MDM2: variants seen among roughly 807,000 people sequenced by gnomAD.
The protein encoded by MDM2 is MDM2 proto-oncogene, also known as E3 ubiquitin-protein ligase Mdm2.
MDM2 carries 11 observed loss-of-function variants against 64.3 expected under a neutral mutation model. The observed-to-expected ratio is 0.17, with a 90% CI of 0.11 to 0.28. The LOEUF is 0.28. Among genes scored for constraint, MDM2 ranks in the 10% least tolerant of loss-of-function variants. The pLI, the probability that MDM2 is intolerant of heterozygous loss-of-function variation, is 1.00. For missense variants in MDM2, 388 were observed against 577.1 expected (o/e 0.67, Z 3.36); for synonymous variants, 194 against 192.9 (o/e 1.01, Z -0.05).
chr12:68,850,495 T>A (rs1025330489), downstream of MDM2: 5 of 152,180 alleles, frequency 3.3e-5, no homozygotes, highest in African/African-American at 7.2e-5. Flanking sequence ...TTTAAACTAT[T>A]ATTTGTTTAG....
Position 68,818,054 on chromosome 12 carries a change from A to C in MDM2, c.308+1109A>C, listed in dbSNP as rs3730535. ...GGTAATCCACCTGCCATGGCCTCCC[A>C]AAGTGCTGGGATTACAGATGTGAGC... On this transcript the variant is annotated intron_variant, in intron 4 of 10. Transcript: ENST00000258149. Among the ~76,000 whole-genome samples the C allele has an allele frequency of 3.6e-3, 551 of 152,234 alleles. 14 individuals are homozygous for C. The highest frequency in any genetic ancestry group is 0.03 in the Admixed American group (455 of 15,276).
intron 6 of MDM2, 42 bp from the exon 7 acceptor site, chr12:68,824,513 A>T: frequency 6.3e-7 from 1 of 1,591,496 alleles, no homozygotes; most frequent in Non-Finnish European, 8.6e-7. Context: ...CTTACTGGTT[A>T]TGTTAAGTTT....
intron 9 of MDM2, 186 bp from the exon 10 acceptor site, chr12:68,836,486 A>G: frequency 2.1e-6 from 1 of 487,414 alleles, no homozygotes; most frequent in Non-Finnish European, 3.7e-6. Flanking sequence ...GACTTTTACC[A>G]TTGTGGGTAA....
rs35815088 is a variant in MDM2 at position 68,833,126 on chromosome 12, CAA to C, written c.685-2680_685-2679del. Among the ~76,000 whole-genome samples the C allele has an allele frequency of 7.8e-3, 478 of 61,500 alleles. 1 individual carries two copies. The highest frequency in any genetic ancestry group is 0.013 in the East Asian group (27 of 2,006). The allele number at this position is 61,500 out of a possible 152,430, so 40.3% of individuals were successfully genotyped here. On this transcript the variant is annotated intron_variant, in intron 8 of 10. Transcript: ENST00000258149. The stretch of plus-strand genomic sequence containing the variant: ...GGGTGACAGAGCGAGACTCTGTCTC[CAA>C]AAAAAAAAAAAAAAAAAAAAAATAT...
Position 68,839,664 on chromosome 12 carries a change from C to T in MDM2, c.1309C>T (p.Pro437Ser), listed in dbSNP as rs761259297. ...DKEESVESSL[P>S]LNAIEPCVIC... ...AGAAGAGAGTGTGGAATCTAGTTTG[C>T]CCCTTAATGCCATTGAACCTTGTGT... Residue 437 changes from proline (P) to serine (S), a missense_variant, in exon 11 of 11, where the codon CCC (proline) becomes TCC (serine). Transcript: ENST00000258149. The T allele has an allele frequency of 2.5e-6, 4 of 1,613,346 alleles. No individual in the cohort carries two copies. The highest frequency in any genetic ancestry group is 2.2e-5 in the East Asian group (1 of 44,874).
At position 68,813,724 on chromosome 12, in the gene MDM2, G is replaced by C. The variant is rs1470013631; in HGVS notation, c.174+96G>C. On this transcript the variant is annotated intron_variant, in intron 3 of 10. Coordinates refer to ENST00000258149, the MANE Select transcript of MDM2 (RefSeq NM_002392.6). ...TGTGGAGAAATTGGCCATATAGAAGGATTTTTCATTAAGCAGCAACATTTA... is the reference window on the plus strand; with the variant it reads ...TGTGGAGAAATTGGCCATATAGAAGCATTTTTCATTAAGCAGCAACATTTA... The C allele has an allele frequency of 1.5e-5, 12 of 800,908 alleles. No homozygotes were observed. The East Asian group carries it at 1.6e-4, about 11-fold the overall frequency. The allele number at this position is 800,908 out of a possible 1,614,324, so 49.6% of individuals were successfully genotyped here.
At chr12:68,846,414 A>C (rs1030197619), downstream of MDM2, 1 of 152,006 alleles carries the variant, frequency 6.6e-6, no homozygotes, top group African/African-American at 2.4e-5. Flanking sequence ...AATTTATTCC[A>C]TTTATTTTGT....
intron 10 of MDM2, among the ~76,000 whole-genome samples, chr12:68,838,646 A>G (rs1226583605): frequency 6.6e-6 from 1 of 152,144 alleles, no homozygotes; most frequent in Non-Finnish European, 1.5e-5. Flanking sequence ...ATCTAGATTG[A>G]TGGGATGGAC....
intron 8 of MDM2, among the ~76,000 whole-genome samples, chr12:68,832,724 G>A (rs1338319821): frequency 6.7e-6 from 1 of 150,082 alleles, no homozygotes; most frequent in African/African-American, 2.5e-5. Flanking sequence ...TTGGCCTGTT[G>A]CCCAGGCTGG....
At chr12:68,812,434 A>G (rs996507403) in intron 2 of MDM2, among the ~76,000 whole-genome samples, 1 of 152,236 alleles carries the variant, frequency 6.6e-6, no homozygotes, top group Non-Finnish European at 1.5e-5. Context: ...CAAGCTGTAA[A>G]GATACTTGAG....
downstream of MDM2, chr12:68,845,950 C>T (rs1884263189): frequency 6.6e-6 from 1 of 150,942 alleles, no homozygotes; most frequent in African/African-American, 2.4e-5. Context: ...CCACCTCCCC[C>T]GACCCCGCTG....
At chr12:68,815,893 C>T (rs1333912045) in intron 3 of MDM2, among the ~76,000 whole-genome samples, 4 of 152,048 alleles carry the variant, frequency 2.6e-5, no homozygotes, top group African/African-American at 9.7e-5. Flanking sequence ...AAATGTATTG[C>T]CAACTTCTTG....
At chr12:68,836,116 C>A in intron 9 of MDM2, 132 bp downstream of exon 9, 1 of 764,816 alleles carries the variant, frequency 1.3e-6, no homozygotes, top group Non-Finnish European at 2.0e-6. Flanking sequence ...TTTAAACTAA[C>A]ACATTGGTTT....
At chr12:68,815,279 C>T (rs917158484) in intron 3 of MDM2, among the ~76,000 whole-genome samples, 132 of 152,090 alleles carry the variant, frequency 8.7e-4, no homozygotes, top group African/African-American at 3.2e-3. Flanking sequence ...AATGCTTATG[C>T]TAAACTATGT....
downstream of MDM2, chr12:68,850,529 G>T (rs1391501270): frequency 1.3e-5 from 2 of 152,176 alleles, no homozygotes; most frequent in African/African-American, 4.8e-5. Flanking sequence ...GCAGATGTAA[G>T]CTTGAGCCCA....
chr12:68,809,213 T>G lies in MDM2; in HGVS notation c.20T>G (p.Met7Arg). The G allele has an allele frequency of 1.2e-6, 2 of 1,611,722 alleles. No individual in the cohort carries two copies. The highest frequency in any genetic ancestry group is 1.7e-6 in the Non-Finnish European group (2 of 1,179,072). Reference sequence around the variant, plus strand: ...TGTCTTTTTTTTCCTTGTAGGCAAATGTGCAATACCAACATGTCTGTACCT... The same window carrying G: ...TGTCTTTTTTTTCCTTGTAGGCAAAGGTGCAATACCAACATGTCTGTACCT... MVRSRQ[M>R]CNTNMSVPTD... is the part of the protein sequence containing the mutation. Residue 7 changes from methionine (M) to arginine (R), a missense_variant, in exon 2 of 11, where the codon ATG becomes AGG. Transcript: ENST00000258149.
chr12:68,827,304 GT>G (rs956290807), intron 7 of MDM2, among the ~76,000 whole-genome samples: 5 of 147,906 alleles, frequency 3.4e-5, no homozygotes, highest in East Asian at 2.0e-4. Context: ...GGAGGTAAGA[GT>G]TTTTTTTTCT....
downstream of MDM2, chr12:68,846,816 G>GTAA (rs1884326840): frequency 3.3e-5 from 5 of 151,860 alleles, no homozygotes; most frequent in African/African-American, 1.2e-4. Flanking sequence ...GTACTTACTC[G>GTAA]CCTAGTGACC....
At chr12:68,833,318 A>AAAATATATTTATATAAATATATATAT (rs1565744160) in intron 8 of MDM2, among the ~76,000 whole-genome samples, 4 of 96,020 alleles carry the variant, frequency 4.2e-5, no homozygotes, top group African/African-American at 1.1e-4. Context: ...TAAAAATATA[A>AAAATATATTTATATAAATATATATAT]TTATATAAAT....
Sources: allele counts gnomAD v4.1 joint callset (sites outside exome capture counted in the v4.1 genomes callset), GRCh38; gene constraint gnomAD v4.1.1; transcripts MANE v1.5; gene names NCBI Gene and HGNC (gene_info 2026-07-23, HGNC 2026-07-21).